TSC1: variants seen among roughly 807,000 people sequenced by gnomAD.
The protein encoded by TSC1 is hamartin.
In TSC1, 20 loss-of-function variants were observed where a neutral mutation model predicts 124.3. That is an observed-to-expected ratio of 0.16 (90% confidence interval 0.11 to 0.23). The LOEUF is 0.23. Ranked by LOEUF, TSC1 falls within the 10% of genes least tolerant of loss-of-function variation. The probability of loss-of-function intolerance (pLI) is 1.00; values close to 1 mark genes in which losing one functional copy is unlikely to be tolerated. For synonymous variants in TSC1, 493 were observed against 539.1 expected, an observed-to-expected ratio of 0.91 and a Z score of 1.19; for missense variants, 1,124 against 1,448.5, an observed-to-expected ratio of 0.78 and a Z score of 3.64.
rs1203415127 is a variant in TSC1, at chr9:132,891,377, TCA to T, written c.*4856_*4857del. 4.3e-6 allele frequency: 1 copy of T among 232,372 alleles called. No individual in the cohort carries two copies. Among genetic ancestry groups the T allele is most frequent in the Non-Finnish European group, 8.5e-6 (1 of 117,360 alleles). The allele number at this position is 232,372 out of a possible 1,614,324, so 14.4% of individuals were successfully genotyped here. A position where few individuals can be genotyped will look rare whatever the true frequency, so the allele number is the denominator to read the frequency against. On this transcript the variant is annotated 3_prime_UTR_variant, in exon 23 of 23. Coordinates refer to ENST00000298552, the MANE Select transcript of TSC1 (RefSeq NM_000368.5). Reference sequence around the variant, plus strand: ...TGCAAAACAATAAATTTTTATTTGTTCACAGTTAAACACAAGCAACTGCCTTG... The same window carrying T: ...TGCAAAACAATAAATTTTTATTTGTTCAGTTAAACACAAGCAACTGCCTTG...
chr9:132,912,275 T>G lies in TSC1; in HGVS notation c.913+7A>C, dbSNP rs2131993085. The G allele has an allele frequency of 6.2e-7, 1 of 1,614,040 alleles. No homozygotes were observed. Among genetic ancestry groups the G allele is most frequent in the Middle Eastern group, 1.6e-4 (1 of 6,062 alleles). Reference sequence around the variant, plus strand: ...CAAAACAGATAAGTACCAAAGACACTTTTTACCATAGCTATTCTGTGTGTC... The same window carrying G: ...CAAAACAGATAAGTACCAAAGACACGTTTTACCATAGCTATTCTGTGTGTC... On this transcript the variant is annotated splice_region_variant and intron_variant, in intron 9 of 22. Transcript: ENST00000298552.
rs1399136977 is a variant in TSC1, at chr9:132,894,288, G to T, written c.*1947C>A. 1 of 231,346 alleles carries T rather than the reference G, an allele frequency of 4.3e-6. No homozygotes were observed. Among genetic ancestry groups the T allele is most frequent in the Non-Finnish European group, 8.6e-6 (1 of 116,806 alleles). 14.3% of individuals were successfully genotyped at this position (231,346 alleles called of 1,614,324 possible). On this transcript the variant is annotated 3_prime_UTR_variant, in exon 23 of 23. Coordinates refer to ENST00000298552, the MANE Select transcript of TSC1 (RefSeq NM_000368.5). ...TTCAGGAAAAGGCTTTAAGTGCCTG[G>T]TATCTTGTTCTATGGCACAGATCTC...
In TSC1 at chr9:132,923,310, C is replaced by T. The variant is rs759377410; in HGVS notation, c.508+38G>A. 1 of 1,609,990 alleles carries T rather than the reference C, an allele frequency of 6.2e-7. No individual in the cohort carries two copies. Among genetic ancestry groups the T allele is most frequent in the South Asian group, 1.1e-5 (1 of 90,806 alleles). On this transcript the variant is annotated intron_variant, in intron 6 of 22. Transcript: ENST00000298552. This position sits in a 1 kb window ranked among gnomAD's most constrained non-coding sequence, Gnocchi z 4.2. ...AATTAATCAATAATGAAAGCATTCA[C>T]CTCACAGGGCCCAACAGGTATATGA...
rs568004490 is a variant in TSC1, at chr9:132,896,325, T to C, written c.3405A>G (p.Leu1135=). 8.2e-5 allele frequency: 133 copies of C among 1,614,238 alleles called. No individual in the cohort carries two copies. The South Asian group carries it at 1.2e-3, about 14-fold the overall frequency. ...LGVEAKIPLN[L]DGPHPSPPTP... ...TCGGGGGAGACGGGTGAGGGCCATCTAGGTTCAGGGGAATCTTGGCTTCCA... is the reference window on the plus strand; with the variant it reads ...TCGGGGGAGACGGGTGAGGGCCATCCAGGTTCAGGGGAATCTTGGCTTCCA... The change falls in exon 23 of 23, where the codon CTA becomes CTG. Residue 1135 remains leucine (L), a synonymous_variant. Transcript: ENST00000298552. This position sits in a 1 kb window ranked among gnomAD's most constrained non-coding sequence, Gnocchi z 4.5.
intron 1 of TSC1, among the ~76,000 whole-genome samples, chr9:132,940,409 G>A (rs1588385353): frequency 1.3e-5 from 2 of 152,162 alleles, no homozygotes; most frequent in South Asian, 4.1e-4. Flanking sequence ...AAGGGTAGAA[G>A]AGAAATTTGG....
intron 2 of TSC1, among the ~76,000 whole-genome samples, chr9:132,930,892 C>T (rs1225211273): frequency 6.6e-6 from 1 of 152,018 alleles, no homozygotes; most frequent in Non-Finnish European, 1.5e-5. Context: ...TCAAAGGGCT[C>T]CAAAATGTGA....
In TSC1 at chr9:132,921,118, G is replaced by A. The variant is rs1273460210; in HGVS notation, c.737+245C>T. Among the ~76,000 whole-genome samples the A allele has an allele frequency of 6.6e-6, 1 of 152,052 alleles. No individual in the cohort carries two copies. Among genetic ancestry groups the A allele is most frequent in the Non-Finnish European group, 1.5e-5 (1 of 68,000 alleles). On this transcript the variant is annotated intron_variant, in intron 8 of 22. Coordinates refer to ENST00000298552, the MANE Select transcript of TSC1 (RefSeq NM_000368.5). This position sits in a 1 kb window ranked among gnomAD's most constrained non-coding sequence, Gnocchi z 4.3. The stretch of plus-strand genomic sequence containing the variant: ...CATCACTGGCACTACTGAGGTGTAA[G>A]CCTTTCTGGGGGACAGGCACTTGTG...
intron 1 of TSC1, among the ~76,000 whole-genome samples, chr9:132,935,527 G>C (rs1588376120): frequency 6.6e-6 from 1 of 152,248 alleles, no homozygotes; most frequent in African/African-American, 2.4e-5. Context: ...CACAAGGCTT[G>C]TGGGGATTAC....
Position 132,895,643 on chromosome 9 carries a change from T to C in TSC1, c.*592A>G. On this transcript the variant is annotated 3_prime_UTR_variant, in exon 23 of 23. Coordinates refer to ENST00000298552, the MANE Select transcript of TSC1 (RefSeq NM_000368.5). ...AAGCTTATCAGAACTGCCAAAAGAA[T>C]GCAAGTATGAATAAACCGTTGTTCT... 1 of 235,676 alleles carries C rather than the reference T, an allele frequency of 4.2e-6. No homozygotes were observed. The highest frequency in any genetic ancestry group is 8.4e-6 in the Non-Finnish European group (1 of 119,616). 14.6% of individuals were successfully genotyped at this position (235,676 alleles called of 1,614,324 possible). A position where few individuals can be genotyped will look rare whatever the true frequency, so the allele number is the denominator to read the frequency against.
rs1845680225 is a variant in TSC1 at position 132,906,534 on chromosome 9, G to GCAAGACC, written c.1438+190_1438+196dup. On this transcript the variant is annotated intron_variant, in intron 14 of 22. Coordinates refer to ENST00000298552, the MANE Select transcript of TSC1 (RefSeq NM_000368.5). This position sits in a 1 kb window ranked among gnomAD's most constrained non-coding sequence, Gnocchi z 4.1. ...ACTGCACTCCAGCCAGGGTGACAGAGCAAGACCCTGTCTCAAAAAAAAAAA... is the reference window on the plus strand; with the variant it reads ...ACTGCACTCCAGCCAGGGTGACAGAGCAAGACCCAAGACCCTGTCTCAAAAAAAAAAA... 1.8e-6 allele frequency: 1 copy of GCAAGACC among 557,270 alleles called. No individual in the cohort carries two copies. Among genetic ancestry groups the GCAAGACC allele is most frequent in the Non-Finnish European group, 3.1e-6 (1 of 318,012 alleles). The allele number at this position is 557,270 out of a possible 1,614,324, so 34.5% of individuals were successfully genotyped here.
At chr9:132,907,741 C>G (rs996857023) in intron 12 of TSC1, among the ~76,000 whole-genome samples, 2 of 152,176 alleles carry the variant, frequency 1.3e-5, no homozygotes, top group African/African-American at 2.4e-5. Flanking sequence ...CTGCCTGCCT[C>G]GGCCTCCCAA....
At chr9:132,915,215 C>G (rs372361542) in intron 8 of TSC1, among the ~76,000 whole-genome samples, 1 of 151,850 alleles carries the variant, frequency 6.6e-6, no homozygotes, top group Non-Finnish European at 1.5e-5. Context: ...ATGCTTTCCA[C>G]GTGCCTGTAC....
chr9:132,916,250 T>C (rs1236015220), intron 8 of TSC1, among the ~76,000 whole-genome samples: 1 of 152,074 alleles, frequency 6.6e-6, no homozygotes, highest in East Asian at 1.9e-4. Context: ...CAATGAAATA[T>C]GGTAGTTTAA....
At chr9:132,934,025 G>A (rs1480213361) in intron 2 of TSC1, among the ~76,000 whole-genome samples, 2 of 152,184 alleles carry the variant, frequency 1.3e-5, no homozygotes, top group Non-Finnish European at 2.9e-5. Context: ...TCTACAATTT[G>A]TATCAAGACC....
chr9:132,924,752 ATT>A (rs1199900049), intron 5 of TSC1: 3 of 152,066 alleles, frequency 2.0e-5, no homozygotes, highest in African/African-American at 7.2e-5. Flanking sequence ...AACTGTTCCT[ATT>A]TTTTCTGAAT....
chr9:132,944,559 C>G lies in TSC1; in HGVS notation c.-160G>C, dbSNP rs1054220809. ...CATACTCACCCACCGTCTCCTCCCC[C>G]TCAGCTGTTTACCTCACAGTCCCTC... is the stretch of plus-strand genomic sequence containing the variant. On this transcript the variant is annotated 5_prime_UTR_variant, in exon 1 of 23. Transcript: ENST00000298552. The G allele has an allele frequency of 7.5e-6, 3 of 398,760 alleles. No homozygotes were observed. The highest frequency in any genetic ancestry group is 6.2e-5 in the African/African-American group (3 of 48,660). 24.7% of individuals were successfully genotyped at this position (398,760 alleles called of 1,614,324 possible).
chr9:132,926,421 G>T (rs982743057), intron 4 of TSC1: 1 of 156,014 alleles, frequency 6.4e-6, no homozygotes, highest in African/African-American at 2.4e-5. Flanking sequence ...ATACACTTAA[G>T]ACTTACCAAA....
Position 132,896,127 on chromosome 9 carries a change from C to G in TSC1, c.*108G>C. 1.3e-6 allele frequency: 2 copies of G among 1,531,600 alleles called. No homozygotes were observed. Among genetic ancestry groups the G allele is most frequent in the Non-Finnish European group, 1.8e-6 (2 of 1,113,778 alleles). 94.9% of individuals were successfully genotyped at this position (1,531,600 alleles called of 1,614,324 possible). A position where few individuals can be genotyped will look rare whatever the true frequency, so the allele number is the denominator to read the frequency against. On this transcript the variant is annotated 3_prime_UTR_variant, in exon 23 of 23. Transcript: ENST00000298552. This position sits in a 1 kb window ranked among gnomAD's most constrained non-coding sequence, Gnocchi z 4.5. ...AAAGGACCTCCGTCCCATTTCCACA[C>G]ATGAACTTGCACTCAGACCCTGGAA...
At position 132,902,064 on chromosome 9, in the gene TSC1, T is replaced by G; in HGVS notation, c.2392-365A>C. The stretch of plus-strand genomic sequence containing the variant: ...TACTAACTGGCTGGAAATGATGCTG[T>G]GTCTGTGGATGACGTCTTTGTGAAG... On this transcript the variant is annotated intron_variant, in intron 18 of 22. Transcript: ENST00000298552. The surrounding 1 kb of genome is among the most constrained non-coding windows in gnomAD (Gnocchi z 5.2). 1 of 254,170 alleles carries G rather than the reference T, an allele frequency of 3.9e-6. No homozygotes were observed. The highest frequency in any genetic ancestry group is 7.7e-6 in the Non-Finnish European group (1 of 130,134). 15.7% of individuals were successfully genotyped at this position (254,170 alleles called of 1,614,324 possible). A position where few individuals can be genotyped will look rare whatever the true frequency, so the allele number is the denominator to read the frequency against.
Sources: allele counts gnomAD v4.1 joint callset (sites outside exome capture counted in the v4.1 genomes callset), GRCh38; gene constraint gnomAD v4.1.1; non-coding constraint Gnocchi (gnomAD v3.1); transcripts MANE v1.5; gene names NCBI Gene and HGNC (gene_info 2026-07-23, HGNC 2026-07-21).